MKNK1: variants seen among roughly 807,000 people sequenced by gnomAD.
MKNK1 encodes the protein MAP kinase-interacting serine/threonine-protein kinase 1.
Under a neutral mutation model 49.3 loss-of-function variants are expected in MKNK1, and 30 were observed. The ratio of observed to expected loss-of-function variants is 0.61; its 90% confidence interval spans 0.46 to 0.83. The LOEUF (loss-of-function observed/expected upper bound fraction) is 0.83. Ranked by LOEUF, MKNK1 falls within the 40% of genes least tolerant of loss-of-function variation. MKNK1 has a pLI of 0.00. For missense variants in MKNK1, 423 were observed against 524.7 expected, an observed-to-expected ratio of 0.81 and a Z score of 1.89; for synonymous variants, 176 against 201.7, an observed-to-expected ratio of 0.87 and a Z score of 1.08.
intron 8 of MKNK1, among the ~76,000 whole-genome samples, chr1:46,567,937 A>G (rs1207698354): frequency 6.6e-6 from 1 of 152,212 alleles, no homozygotes; most frequent in Non-Finnish European, 1.5e-5. Context: ...CCTGGCTAAC[A>G]TGGTGAAACC....
Position 46,594,203 on chromosome 1 carries a change from CAGCTACACG to C in MKNK1, c.-102_-94del. On this transcript the variant is annotated 5_prime_UTR_variant, in exon 2 of 13. It removes the in-frame stop codon of an upstream open reading frame in the 5' UTR. Transcript: ENST00000371945. Reference sequence around the variant, plus strand: ...CTCCTGTCAGGAAGTTGGTGTCTTCCAGCTACACGAAGTGTCTCAATGGCCTTTGTGCGT... The same window carrying C: ...CTCCTGTCAGGAAGTTGGTGTCTTCCAAGTGTCTCAATGGCCTTTGTGCGT... The C allele has an allele frequency of 2.8e-6, 4 of 1,425,548 alleles. No homozygotes were observed. The allele number at this position is 1,425,548 out of a possible 1,614,324, so 88.3% of individuals were successfully genotyped here.
intron 2 of MKNK1, among the ~76,000 whole-genome samples, chr1:46,587,337 G>A (rs1672719196): frequency 6.6e-6 from 1 of 152,220 alleles, no homozygotes; most frequent in Non-Finnish European, 1.5e-5. Flanking sequence ...AACTGAAGAA[G>A]CAGCATGCTG....
At chr1:46,583,033 G>A in intron 3 of MKNK1, 195 bp downstream of exon 3, 1 of 681,186 alleles carries the variant, frequency 1.5e-6, no homozygotes, top group Non-Finnish European at 2.7e-6. Context: ...TCATCTGAGA[G>A]CTTTTTCCAT....
intron 8 of MKNK1, chr1:46,565,541 C>T (rs1668912725): frequency 9.7e-6 from 2 of 206,932 alleles, no homozygotes; most frequent in African/African-American, 4.7e-5. Flanking sequence ...CCTCTGACCG[C>T]CTCAGGTGGC....
chr1:46,599,929 C>T (rs957526741), intron 1 of MKNK1, among the ~76,000 whole-genome samples: 12 of 152,012 alleles, frequency 7.9e-5, no homozygotes, highest in Non-Finnish European at 1.6e-4. Context: ...CCACTCTCTA[C>T]ATTTTAGCCA....
chr1:46,576,345 T>C, intron 5 of MKNK1: 1 of 477,754 alleles, frequency 2.1e-6, no homozygotes, highest in Non-Finnish European at 3.8e-6. Context: ...TTCTTCTAAC[T>C]TGCTTGAATT....
chr1:46,565,232 TCA>T, intron 8 of MKNK1, 96 bp from the exon 9 acceptor site: 1 of 1,109,706 alleles, frequency 9.0e-7, no homozygotes, highest in Non-Finnish European at 1.4e-6. Context: ...TCCGTGGCTG[TCA>T]CACCGCAGCT....
In MKNK1 at chr1:46,594,042, C is replaced by T. The variant is rs1570315969; in HGVS notation, c.-3+71G>A. 2.4e-6 allele frequency: 3 copies of T among 1,245,642 alleles called. No homozygotes were observed. In the East Asian group the frequency reaches 7.0e-5, roughly 29 times the overall value. 77.2% of individuals were successfully genotyped at this position (1,245,642 alleles called of 1,614,324 possible). A position where few individuals can be genotyped will look rare whatever the true frequency, so the allele number is the denominator to read the frequency against. ...ACCACGGTCTCTTACCCGCCCTTTC[C>T]TCTGGATGTATCAGATCATTTCAAT... is the stretch of plus-strand genomic sequence containing the variant. On this transcript the variant is annotated intron_variant, in intron 2 of 12. Coordinates refer to ENST00000371945, the MANE Select transcript of MKNK1 (RefSeq NM_001135553.4).
At chr1:46,596,720 G>A (rs1327088884) in intron 1 of MKNK1, among the ~76,000 whole-genome samples, 2 of 152,168 alleles carry the variant, frequency 1.3e-5, no homozygotes, top group Non-Finnish European at 2.9e-5. Flanking sequence ...AATGTATATA[G>A]AGCTCGTGGC....
intron 2 of MKNK1, chr1:46,585,856 C>G: frequency 7.9e-7 from 1 of 1,258,868 alleles, no homozygotes; most frequent in Non-Finnish European, 1.1e-6. Flanking sequence ...GCTTCACACA[C>G]ACACAAAGAC....
At chr1:46,591,349 A>G (rs1402685588) in intron 2 of MKNK1, among the ~76,000 whole-genome samples, 1 of 152,164 alleles carries the variant, frequency 6.6e-6, no homozygotes, top group Non-Finnish European at 1.5e-5. Context: ...CTAGGGTGCC[A>G]GCAAAGGATC....
At chr1:46,572,876 A>G (rs991431192) in intron 6 of MKNK1, among the ~76,000 whole-genome samples, 2 of 152,164 alleles carry the variant, frequency 1.3e-5, no homozygotes, top group African/African-American at 4.8e-5. Context: ...ACAAGAGCAC[A>G]AACTTTCAAA....
chr1:46,594,332 G>A, intron 1 of MKNK1, 52 bp from the exon 2 acceptor site: 1 of 658,360 alleles, frequency 1.5e-6, no homozygotes, highest in South Asian at 1.6e-5. Context: ...TCTTTAAAAG[G>A]ACCAGAAAAG....
intron 7 of MKNK1, chr1:46,571,629 T>C: frequency 2.8e-6 from 1 of 355,754 alleles, no homozygotes; most frequent in Non-Finnish European, 5.5e-6. Context: ...ATCATGCCAA[T>C]TTTGAAAAGA....
chr1:46,596,858 AG>A (rs1674133421), intron 1 of MKNK1, among the ~76,000 whole-genome samples: 1 of 152,206 alleles, frequency 6.6e-6, no homozygotes, highest in Non-Finnish European at 1.5e-5. Context: ...TGGCCGCAGG[AG>A]GGAATAAACT....
rs762079149 is a variant in MKNK1, at chr1:46,562,741, G to A, written c.712C>T (p.Leu238Phe). The change falls in exon 10 of 13, where the codon CTC becomes TTC. Residue 238 changes from leucine (L) to phenylalanine (F), a missense_variant. Physicochemically the swap from Leu to Phe is conservative, Grantham distance 22. Transcript: ENST00000371945. ...GGGTAGCCACTCAGCATGATGTAGA[G>A]GACCACGCCCAGGCTCCACAGGTCA... ...RCDLWSLGVV[L>F]YIMLSGYPPF... 3 of 1,604,206 alleles carry A rather than the reference G, an allele frequency of 1.9e-6. No homozygotes were observed. In the Admixed American group the frequency reaches 5.1e-5, roughly 27 times the overall value.
chr1:46,570,931 C>T (rs531155550), intron 7 of MKNK1, among the ~76,000 whole-genome samples: 54 of 152,322 alleles, frequency 3.5e-4, no homozygotes, highest in African/African-American at 1.3e-3. Flanking sequence ...GTGTTAACTA[C>T]AGTCGATGAT....
chr1:46,569,140 C>G (rs1669632755), intron 7 of MKNK1: 2 of 152,340 alleles, frequency 1.3e-5, no homozygotes, highest in African/African-American at 4.8e-5. Context: ...CCAGGCTGTT[C>G]TTGAAATCCT....
Position 46,561,427 on chromosome 1 carries a change from C to T in MKNK1, c.969+51G>A. 2.0e-6 allele frequency: 3 copies of T among 1,531,704 alleles called. No individual in the cohort carries two copies. In the East Asian group the frequency reaches 6.8e-5, roughly 35 times the overall value. The allele number at this position is 1,531,704 out of a possible 1,614,324, so 94.9% of individuals were successfully genotyped here. On this transcript the variant is annotated intron_variant, in intron 11 of 12. Transcript: ENST00000371945. Reference sequence around the variant, plus strand: ...GCTGGCATGACAGCTTCCTTGTGGCCATGCCACAGGCCTGAAGTGGTGGAA... The same window carrying T: ...GCTGGCATGACAGCTTCCTTGTGGCTATGCCACAGGCCTGAAGTGGTGGAA...
Sources: allele counts gnomAD v4.1 joint callset (sites outside exome capture counted in the v4.1 genomes callset), GRCh38; gene constraint gnomAD v4.1.1; transcripts MANE v1.5; gene names NCBI Gene and HGNC (gene_info 2026-07-23, HGNC 2026-07-21).